ANGPT1: variants seen among roughly 807,000 people sequenced by gnomAD.
ANGPT1 encodes the protein angiopoietin-1.
In ANGPT1, 17 loss-of-function variants were observed where a neutral mutation model predicts 62.2. The ratio of observed to expected loss-of-function variants is 0.27; its 90% CI spans 0.19 to 0.41. The LOEUF is 0.41. ANGPT1 is among the 10% of genes least tolerant of loss of function. ANGPT1 has a pLI of 1.00. For missense variants in ANGPT1, 478 were observed against 594.9 expected (o/e 0.80, Z 2.04); for synonymous variants, 199 against 198.9 (o/e 1.00, Z 0.00).
At chr8:107,305,241 G>A (rs953218536) in intron 4 of ANGPT1, among the ~76,000 whole-genome samples, 4 of 151,872 alleles carry the variant, frequency 2.6e-5, no homozygotes, top group Non-Finnish European at 5.9e-5. Flanking sequence ...CACTTGAGAG[G>A]ACAAAAAACA....
At chr8:107,412,944 G>C (rs1355634391) in intron 1 of ANGPT1, among the ~76,000 whole-genome samples, 2 of 152,110 alleles carry the variant, frequency 1.3e-5, no homozygotes, top group East Asian at 3.9e-4. Context: ...GATGTGCCAG[G>C]GAGTGCTTCA....
intron 1 of ANGPT1, among the ~76,000 whole-genome samples, chr8:107,430,850 G>C (rs1208362514): frequency 2.6e-5 from 4 of 152,228 alleles, no homozygotes; most frequent in Admixed American, 2.0e-4. Flanking sequence ...GCAGCAATAT[G>C]AAACAGCAAT....
At chr8:107,258,222 T>C (rs565065991) in intron 8 of ANGPT1, among the ~76,000 whole-genome samples, 4 of 151,826 alleles carry the variant, frequency 2.6e-5, no homozygotes, top group East Asian at 3.9e-4. Context: ...GTAGAAAGAG[T>C]AGATAGAACA....
chr8:107,366,203 C>G (rs1443887014), intron 1 of ANGPT1, among the ~76,000 whole-genome samples: 2 of 152,144 alleles, frequency 1.3e-5, no homozygotes, highest in African/African-American at 4.8e-5. Flanking sequence ...TCAAACCAAC[C>G]ATCAGAGATG....
At chr8:107,315,115 T>C (rs1814983906) in intron 4 of ANGPT1, among the ~76,000 whole-genome samples, 5 of 152,098 alleles carry the variant, frequency 3.3e-5, no homozygotes, top group African/African-American at 9.7e-5. Flanking sequence ...ATAATAATGA[T>C]CAAATGTTCC....
chr8:107,345,206 T>C (rs1815777903), intron 2 of ANGPT1, among the ~76,000 whole-genome samples: 1 of 152,198 alleles, frequency 6.6e-6, no homozygotes, highest in Admixed American at 6.5e-5. Flanking sequence ...TTAAAATTGT[T>C]CTCACTGTAT....
chr8:107,303,122 A>G (rs890130335), intron 5 of ANGPT1, 118 bp downstream of exon 5: 3 of 1,218,074 alleles, frequency 2.5e-6, no homozygotes, highest in South Asian at 1.4e-5. Flanking sequence ...CTGGGAGAAA[A>G]AAGTTCAGGC....
At chr8:107,452,212 T>C (rs915180023) in intron 1 of ANGPT1, among the ~76,000 whole-genome samples, 7 of 151,304 alleles carry the variant, frequency 4.6e-5, no homozygotes, top group African/African-American at 1.5e-4. Flanking sequence ...TACAGAGAGA[T>C]GTGTACCAAA....
Sources: allele counts gnomAD v4.1 joint callset (sites outside exome capture counted in the v4.1 genomes callset), GRCh38; gene constraint gnomAD v4.1.1; transcripts MANE v1.5; gene names NCBI Gene and HGNC (gene_info 2026-07-23, HGNC 2026-07-21).